Variants in PRKAG2 observed in about 807,000 individuals in gnomAD.
The protein encoded by PRKAG2 is protein kinase AMP-activated non-catalytic subunit gamma 2.
PRKAG2 carries 26 observed loss-of-function variants against 69.6 expected under a neutral mutation model. That is an observed-to-expected ratio of 0.37 (90% CI 0.27 to 0.52). The LOEUF (loss-of-function observed/expected upper bound fraction) is 0.52. Among genes scored for constraint, PRKAG2 ranks in the 20% least tolerant of loss-of-function variants. The pLI is 0.90. For missense variants in PRKAG2, 557 were observed against 740.0 expected (o/e 0.75, Z 2.87); for synonymous variants, 293 against 285.0 (o/e 1.03, Z -0.28).
chr7:151,846,438 A>G (rs1008349002), intron 1 of PRKAG2, among the ~76,000 whole-genome samples: 3 of 149,570 alleles, frequency 2.0e-5, no homozygotes, highest in African/African-American at 7.4e-5. Flanking sequence ...ACTGCACTCC[A>G]GCCTGACGAC....
At chr7:151,751,558 G>A (rs1461894504) in intron 3 of PRKAG2, among the ~76,000 whole-genome samples, 2 of 151,680 alleles carry the variant, frequency 1.3e-5, no homozygotes, top group Non-Finnish European at 2.9e-5. Flanking sequence ...GCCCAGACTG[G>A]AGTGCAGTGC....
At chr7:151,740,497 A>G (rs2073806125) in intron 3 of PRKAG2, among the ~76,000 whole-genome samples, 1 of 152,164 alleles carries the variant, frequency 6.6e-6, no homozygotes, top group Non-Finnish European at 1.5e-5. Context: ...TCTTTATTCA[A>G]TTCTCCTCCA....
chr7:151,824,806 T>C (rs572453802), intron 1 of PRKAG2, among the ~76,000 whole-genome samples: 2 of 152,322 alleles, frequency 1.3e-5, no homozygotes, highest in African/African-American at 4.8e-5. Context: ...GGCCACTTAC[T>C]ACCCCAGCGG....
chr7:151,782,362 AGGGAGGGAGG>A (rs1563663262), intron 2 of PRKAG2, among the ~76,000 whole-genome samples: 5 of 66,016 alleles, frequency 7.6e-5, no homozygotes, highest in Admixed American at 1.7e-4. Flanking sequence ...GGAGGGAGGG[AGGGAGGGAGG>A]GAAGGAAAGA....
intron 9 of PRKAG2, 98 bp from the exon 10 acceptor site, chr7:151,570,323 G>A: frequency 2.2e-6 from 3 of 1,349,398 alleles, no homozygotes; most frequent in Non-Finnish European, 3.1e-6. Context: ...TTAATAGTTA[G>A]AAGGATTAAA....
At chr7:151,697,438 A>G (rs1403964833) in intron 3 of PRKAG2, among the ~76,000 whole-genome samples, 1 of 152,062 alleles carries the variant, frequency 6.6e-6, no homozygotes, top group Non-Finnish European at 1.5e-5. Flanking sequence ...CACCTGTGGG[A>G]CAGCAGGAGG....
intron 1 of PRKAG2, among the ~76,000 whole-genome samples, chr7:151,848,512 CTTTTTTTTT>C (rs1158559692): frequency 1.0e-3 from 65 of 62,248 alleles, no homozygotes; most frequent in East Asian, 5.1e-3. Context: ...TACTGCATGT[CTTTTTTTTT>C]TTTTTTTTTT....
chr7:151,626,335 T>A (rs1822896872), intron 5 of PRKAG2, among the ~76,000 whole-genome samples: 1 of 152,174 alleles, frequency 6.6e-6, no homozygotes, highest in Non-Finnish European at 1.5e-5. Flanking sequence ...ACGTCCTGAC[T>A]TCAGAGATAC....
chr7:151,799,607 C>T (rs764544835), intron 1 of PRKAG2, among the ~76,000 whole-genome samples: 112 of 152,316 alleles, frequency 7.4e-4, no homozygotes, highest in Non-Finnish European at 1.5e-3. Flanking sequence ...GCCACGCAGG[C>T]GGCAGCCGCT....
intron 1 of PRKAG2, among the ~76,000 whole-genome samples, chr7:151,871,128 G>A (rs911599126): frequency 6.6e-6 from 1 of 152,220 alleles, no homozygotes; most frequent in Non-Finnish European, 1.5e-5. Flanking sequence ...CGACATGGCA[G>A]CCAGCCTTGA....
intron 3 of PRKAG2, among the ~76,000 whole-genome samples, chr7:151,735,483 C>T (rs755758559): frequency 4.6e-5 from 7 of 152,168 alleles, no homozygotes; most frequent in Non-Finnish European, 8.8e-5. Flanking sequence ...CAGATTACTC[C>T]GCTACGGAAC....
intron 1 of PRKAG2, among the ~76,000 whole-genome samples, chr7:151,830,667 G>A (rs2079003125): frequency 6.6e-6 from 1 of 151,532 alleles, no homozygotes. Flanking sequence ...GGGGGCGGGG[G>A]GAAGAGGAAC....
intron 8 of PRKAG2, among the ~76,000 whole-genome samples, chr7:151,573,112 CA>C (rs545715791): frequency 1.4e-5 from 2 of 144,020 alleles, no homozygotes; most frequent in Non-Finnish European, 3.0e-5. Context: ...GACTCTGTCT[CA>C]AAAAAAAGAA....
At chr7:151,688,304 G>A (rs760002610) in intron 3 of PRKAG2, among the ~76,000 whole-genome samples, 6 of 152,198 alleles carry the variant, frequency 3.9e-5, no homozygotes, top group African/African-American at 1.2e-4. Context: ...ACTAGAGTTC[G>A]AGATTTCAGA....
chr7:151,868,688 G>A (rs991239503), intron 1 of PRKAG2, among the ~76,000 whole-genome samples: 2 of 152,200 alleles, frequency 1.3e-5, no homozygotes, highest in African/African-American at 2.4e-5. Flanking sequence ...GCGGAGGGAG[G>A]AGAACGGGTG....
At chr7:151,563,944 G>A (rs2150987866) in intron 14 of PRKAG2, 134 bp downstream of exon 14, 2 of 1,178,606 alleles carry the variant, frequency 1.7e-6, no homozygotes, top group African/African-American at 1.5e-5. Context: ...GGGACAGGAG[G>A]GAATCCCATC....
At chr7:151,864,801 G>T (rs941081594) in intron 1 of PRKAG2, among the ~76,000 whole-genome samples, 1 of 152,060 alleles carries the variant, frequency 6.6e-6, no homozygotes, top group South Asian at 2.1e-4. Flanking sequence ...TGCTCTGCAC[G>T]CCCCTCACCC....
In PRKAG2 at chr7:151,688,049, C is replaced by CCCCCCG. The variant is rs976066654; in HGVS notation, c.467-12413_467-12412insCGGGGG. Among the ~76,000 whole-genome samples, 13 of 144,402 alleles carry CCCCCCG rather than the reference C, an allele frequency of 9.0e-5. 2 individuals are homozygous for CCCCCCG. The highest frequency in any genetic ancestry group is 2.0e-4 in the East Asian group (1 of 4,922). The allele number at this position is 144,402 out of a possible 152,430, so 94.7% of individuals were successfully genotyped here. A position where few individuals can be genotyped will look rare whatever the true frequency, so the allele number is the denominator to read the frequency against. Reference sequence around the variant, plus strand: ...GGAGGAGGAGGAAATGAGGCCCCCCCCCGGGCTCCTTGCTGAGTCAGCATG... The same window carrying CCCCCCG: ...GGAGGAGGAGGAAATGAGGCCCCCCCCCCCCGCCGGGCTCCTTGCTGAGTCAGCATG... On this transcript the variant is annotated intron_variant, in intron 3 of 15. Transcript: ENST00000287878.
intron 6 of PRKAG2, among the ~76,000 whole-genome samples, chr7:151,580,103 G>T (rs113781976): frequency 0.032 from 4,906 of 152,252 alleles, 212 homozygotes; most frequent in East Asian, 0.17. Flanking sequence ...CAGCACTTTG[G>T]GAGGCCAAGG....
Sources: allele counts gnomAD v4.1 joint callset (sites outside exome capture counted in the v4.1 genomes callset), GRCh38; gene constraint gnomAD v4.1.1; transcripts MANE v1.5; gene names NCBI Gene and HGNC (gene_info 2026-07-23, HGNC 2026-07-21).